Variants in SLC44A1 observed in about 807,000 individuals in gnomAD.
The protein encoded by SLC44A1 is choline transporter-like protein 1.
A neutral mutation model predicts 79.3 loss-of-function variants in SLC44A1; 26 were observed. That is an observed-to-expected ratio of 0.33 (90% CI 0.24 to 0.46). The LOEUF is 0.46. SLC44A1 is among the 20% of genes least tolerant of loss of function. The probability of loss-of-function intolerance (pLI) is 1.00; values close to 1 mark genes in which losing one functional copy is unlikely to be tolerated. For synonymous variants in SLC44A1, 263 were observed against 286.2 expected (o/e 0.92, Z 0.82); for missense variants, 688 against 798.1 (o/e 0.86, Z 1.66).
At chr9:105,429,326 G>A (rs778619316) in intron 15 of SLC44A1, among the ~76,000 whole-genome samples, 13 of 152,120 alleles carry the variant, frequency 8.5e-5, no homozygotes, top group African/African-American at 1.2e-4. Flanking sequence ...GTTTTGAGAC[G>A]AGGTCTGGCT....
At chr9:105,340,362 T>C (rs1259096891) in intron 4 of SLC44A1, among the ~76,000 whole-genome samples, 1 of 152,208 alleles carries the variant, frequency 6.6e-6, no homozygotes, top group Non-Finnish European at 1.5e-5. Context: ...AGAATGATAG[T>C]TGCCAGGGTG....
chr9:105,423,951 C>A (rs1183753674), intron 15 of SLC44A1, among the ~76,000 whole-genome samples: 1 of 152,000 alleles, frequency 6.6e-6, no homozygotes, highest in Non-Finnish European at 1.5e-5. Flanking sequence ...GGTGTTGATT[C>A]CAACATCATG....
At chr9:105,379,717 C>A (rs952163212) in intron 13 of SLC44A1, among the ~76,000 whole-genome samples, 44 of 152,122 alleles carry the variant, frequency 2.9e-4, no homozygotes, top group African/African-American at 1.1e-3. Flanking sequence ...TGGTCACTGG[C>A]CAATAGGGTC....
downstream of SLC44A1, among the ~76,000 whole-genome samples, chr9:105,399,068 T>A (rs1384957954): frequency 2.6e-5 from 4 of 152,220 alleles, no homozygotes; most frequent in South Asian, 6.2e-4. Context: ...TACACATTGT[T>A]TTTTCACTTG....
chr9:105,296,973 A>G (rs1830740466), intron 1 of SLC44A1, among the ~76,000 whole-genome samples: 1 of 152,198 alleles, frequency 6.6e-6, no homozygotes, highest in Admixed American at 6.5e-5. Flanking sequence ...AAATTCATGT[A>G]GCTAACTAAT....
Position 105,394,495 on chromosome 9 carries a change from T to C in SLC44A1, c.*5439T>C. The C allele has an allele frequency of 6.3e-6, 6 of 948,362 alleles. No homozygotes were observed. Among genetic ancestry groups the C allele is most frequent in the Non-Finnish European group, 7.4e-6 (6 of 814,882 alleles). 58.7% of individuals were successfully genotyped at this position (948,362 alleles called of 1,614,324 possible). A position where few individuals can be genotyped will look rare whatever the true frequency, so the allele number is the denominator to read the frequency against. ...GTTATTTGGGGGCAAGGTACCAGATTATTTGCAGTGAGCCAAAAAAAAAAA... is the reference window on the plus strand; with the variant it reads ...GTTATTTGGGGGCAAGGTACCAGATCATTTGCAGTGAGCCAAAAAAAAAAA... On this transcript the variant is annotated 3_prime_UTR_variant, in exon 16 of 16. Coordinates refer to ENST00000374720, the MANE Select transcript of SLC44A1 (RefSeq NM_080546.5).
chr9:105,286,106 A>T (rs939885674), intron 1 of SLC44A1, among the ~76,000 whole-genome samples: 1 of 152,158 alleles, frequency 6.6e-6, no homozygotes, highest in Non-Finnish European at 1.5e-5. Flanking sequence ...GTCTCAAAAA[A>T]AATTTTTTAT....
At chr9:105,372,393 A>G (rs1042235238) in intron 12 of SLC44A1, among the ~76,000 whole-genome samples, 11 of 151,902 alleles carry the variant, frequency 7.2e-5, no homozygotes, top group African/African-American at 2.4e-4. Flanking sequence ...GGTTCACGCA[A>G]TTCTCCTGCC....
chr9:105,309,835 C>A lies in SLC44A1; in HGVS notation c.238C>A (p.Pro80Thr). ...GQKNTKLEAI[P>T]NSGMDHTQRK... ...GAAAAATACAAAGTTGGAAGCAATACCAAACAGTGGCATGGACCACACCCA... is the reference window on the plus strand; with the variant it reads ...GAAAAATACAAAGTTGGAAGCAATAACAAACAGTGGCATGGACCACACCCA... The change falls in exon 3 of 16, where the codon CCA (proline) becomes ACA (threonine). Residue 80 changes from proline (P) to threonine (T), a missense_variant. Physicochemically the swap from Pro to Thr is conservative, Grantham distance 38. Coordinates refer to ENST00000374720, the MANE Select transcript of SLC44A1 (RefSeq NM_080546.5). 1 of 1,613,724 alleles carries A rather than the reference C, an allele frequency of 6.2e-7. No homozygotes were observed.
chr9:105,331,886 C>T (rs192705328), intron 3 of SLC44A1, among the ~76,000 whole-genome samples: 3 of 152,260 alleles, frequency 2.0e-5, no homozygotes, highest in Middle Eastern at 3.4e-3. Context: ...CTCAAGGCCT[C>T]AGTTTTAACA....
intron 1 of SLC44A1, among the ~76,000 whole-genome samples, chr9:105,276,565 CGTGTGTGTGT>C (rs60259632): frequency 0.046 from 5,499 of 118,980 alleles, 166 homozygotes; most frequent in African/African-American, 0.095. Flanking sequence ...GATGGGGAGC[CGTGTGTGTGT>C]GTGTGTGTGT....
chr9:105,360,613 A>G (rs550951360), intron 7 of SLC44A1, among the ~76,000 whole-genome samples: 21 of 152,338 alleles, frequency 1.4e-4, no homozygotes, highest in Admixed American at 3.3e-4. Context: ...TTGGAGATTT[A>G]AAAATGCTTA....
intron 4 of SLC44A1, among the ~76,000 whole-genome samples, chr9:105,339,142 C>T (rs182684047): frequency 9.2e-5 from 14 of 152,140 alleles, no homozygotes; most frequent in Admixed American, 9.2e-4. Flanking sequence ...GGACAAAAAT[C>T]AACAGAGTGA....
chr9:105,298,546 C>T (rs1024192397), intron 1 of SLC44A1, among the ~76,000 whole-genome samples: 7 of 152,060 alleles, frequency 4.6e-5, no homozygotes, highest in African/African-American at 1.2e-4. Flanking sequence ...GACGGGGTTT[C>T]GCCATGTTGG....
At chr9:105,367,756 T>C (rs2131424530) in intron 12 of SLC44A1, among the ~76,000 whole-genome samples, 1 of 152,208 alleles carries the variant, frequency 6.6e-6, no homozygotes, top group Middle Eastern at 3.4e-3. Context: ...CAAGAAGCCA[T>C]CCCTCTTCAC....
At chr9:105,351,622 G>A (rs867855923) in intron 5 of SLC44A1, among the ~76,000 whole-genome samples, 9 of 64,516 alleles carry the variant, frequency 1.4e-4, no homozygotes, top group African/African-American at 4.7e-4. Context: ...AAGAAAGAAA[G>A]AGAGAGAAAG....
intron 3 of SLC44A1, among the ~76,000 whole-genome samples, chr9:105,319,958 T>C (rs1022826832): frequency 4.6e-5 from 7 of 152,240 alleles, no homozygotes; most frequent in Non-Finnish European, 1.0e-4. Flanking sequence ...GCATCCTCCA[T>C]CACAATCCAT....
intron 15 of SLC44A1, chr9:105,438,244 G>T (rs551797516): frequency 4.7e-5 from 73 of 1,542,656 alleles, no homozygotes; most frequent in Non-Finnish European, 3.2e-5. Context: ...TGTTCCCCTA[G>T]GACAGAAGCA....
At chr9:105,277,775 T>C (rs779624645) in intron 1 of SLC44A1, among the ~76,000 whole-genome samples, 7 of 152,144 alleles carry the variant, frequency 4.6e-5, no homozygotes, top group Non-Finnish European at 1.0e-4. Context: ...GCATGGGAAG[T>C]ACTCAAAAAA....
Sources: gnomAD v4.1 joint callset for allele counts (sites outside exome capture counted in the v4.1 genomes callset) on GRCh38, gnomAD v4.1.1 for gene constraint, MANE v1.5 for transcripts, NCBI Gene and HGNC (gene_info 2026-07-23, HGNC 2026-07-21) for gene names.